UCK2: variants seen among roughly 807,000 people sequenced by gnomAD.
UCK2 encodes uridine-cytidine kinase 2, also known as cytidine monophosphokinase 2.
Under a neutral mutation model 30.8 loss-of-function variants are expected in UCK2, and 6 were observed. The observed-to-expected ratio is 0.19, with a 90% confidence interval of 0.11 to 0.38. UCK2 has a LOEUF of 0.38. Ranked by LOEUF, UCK2 falls within the 10% of genes least tolerant of loss-of-function variation. The pLI is 1.00. For missense variants in UCK2, 210 were observed against 339.8 expected (o/e 0.62, Z 3.00); for synonymous variants, 125 against 133.6 (o/e 0.94, Z 0.45).
At chr1:165,858,067 C>A (rs1474956625) in intron 1 of UCK2, among the ~76,000 whole-genome samples, 1 of 152,050 alleles carries the variant, frequency 6.6e-6, no homozygotes. Context: ...TCCTTTCAGA[C>A]CATTACAAAA....
At chr1:165,857,185 C>G (rs1430393026) in intron 1 of UCK2, among the ~76,000 whole-genome samples, 1 of 152,118 alleles carries the variant, frequency 6.6e-6, no homozygotes, top group Admixed American at 6.5e-5. Flanking sequence ...GAAGTGCCTT[C>G]CCCAAGCACA....
At chr1:165,855,514 T>C (rs886835455) in intron 1 of UCK2, among the ~76,000 whole-genome samples, 8 of 150,798 alleles carry the variant, frequency 5.3e-5, no homozygotes, top group African/African-American at 1.7e-4. Context: ...TCTTTTCTTT[T>C]TTTTTTTTTT....
intron 1 of UCK2, among the ~76,000 whole-genome samples, chr1:165,873,257 T>C (rs1036084152): frequency 6.6e-6 from 1 of 152,146 alleles, no homozygotes; most frequent in African/African-American, 2.4e-5. Flanking sequence ...TTAAAAGAAG[T>C]CAGTATGCAA....
Position 165,896,330 on chromosome 1 carries a change from G to A in UCK2, c.497G>A (p.Arg166Lys). 1 of 1,614,036 alleles carries A rather than the reference G, an allele frequency of 6.2e-7. No individual in the cohort carries two copies. The highest frequency in any genetic ancestry group is 8.5e-7 in the Non-Finnish European group (1 of 1,180,012). Residue 166 changes from arginine (R) to lysine (K), a missense_variant and splice_region_variant, in exon 4 of 7, where the codon AGA becomes AAA. Arg to Lys is a conservative substitution (Grantham distance 26). This residue lies in a region of UCK2 where 47 missense variants were observed against 128.7 expected (regional missense o/e 0.37). Coordinates refer to ENST00000367879, the MANE Select transcript of UCK2 (RefSeq NM_012474.5). ...GATGCGGACACCCGGCTCTCACGCAGAGGTGCGTTCTAAAAGCCTCAGGTG... is the reference window on the plus strand; with the variant it reads ...GATGCGGACACCCGGCTCTCACGCAAAGGTGCGTTCTAAAAGCCTCAGGTG... ...DTDADTRLSR[R>K]VLRDISERGR...
At chr1:165,860,809 T>C (rs1426270229) in intron 1 of UCK2, among the ~76,000 whole-genome samples, 1 of 152,192 alleles carries the variant, frequency 6.6e-6, no homozygotes, top group Non-Finnish European at 1.5e-5. Flanking sequence ...CCCTTGTTTC[T>C]ATTATAATCC....
chr1:165,873,904 CTG>C (rs1220086206), intron 1 of UCK2, among the ~76,000 whole-genome samples: 1 of 152,160 alleles, frequency 6.6e-6, no homozygotes, highest in Non-Finnish European at 1.5e-5. Context: ...AGCTATTTCT[CTG>C]TGATTTTATC....
intron 5 of UCK2, among the ~76,000 whole-genome samples, chr1:165,904,548 A>G (rs769659338): frequency 1.3e-5 from 2 of 152,252 alleles, no homozygotes; most frequent in Non-Finnish European, 2.9e-5. Flanking sequence ...TCAGTTTTCT[A>G]CGTTTAACTT....
chr1:165,858,849 G>A (rs1375386054), intron 1 of UCK2, among the ~76,000 whole-genome samples: 1 of 152,170 alleles, frequency 6.6e-6, no homozygotes, highest in Non-Finnish European at 1.5e-5. Flanking sequence ...TTCCAGCTGT[G>A]TTCAAAGCAG....
rs1384248322 is a variant in UCK2, at chr1:165,861,518, C to T, written c.100-28686C>T. Among the ~76,000 whole-genome samples, 4 of 144,518 alleles carry T rather than the reference C, an allele frequency of 2.8e-5. No homozygotes were observed. The East Asian group carries it at 8.3e-4, about 30-fold the overall frequency. 94.8% of individuals were successfully genotyped at this position (144,518 alleles called of 152,430 possible). On this transcript the variant is annotated intron_variant, in intron 1 of 6. Transcript: ENST00000367879. ...TGGCGGGCGCCTGTAGTCCCAGCTA[C>T]TTGGGAAGCTGAGGCAGGAGAATGG...
intron 1 of UCK2, among the ~76,000 whole-genome samples, chr1:165,864,286 C>T (rs1654991139): frequency 6.6e-6 from 1 of 152,192 alleles, no homozygotes; most frequent in South Asian, 2.1e-4. Context: ...GTACATGACT[C>T]CACCAGGTCC....
In UCK2 at chr1:165,911,112, T is replaced by A. The variant is rs2101892568; in HGVS notation, c.*3289T>A. The A allele has an allele frequency of 6.6e-6, 1 of 152,288 alleles. No individual in the cohort carries two copies. Among genetic ancestry groups the A allele is most frequent in the East Asian group, 1.9e-4 (1 of 5,184 alleles). The allele number at this position is 152,288 out of a possible 1,614,324, so 9.4% of individuals were successfully genotyped here. ...GGAAATATTTTCCCCTGCCCTGGAATCTCCTATGTGCCTGTTAAAGATTCC... is the reference window on the plus strand; with the variant it reads ...GGAAATATTTTCCCCTGCCCTGGAAACTCCTATGTGCCTGTTAAAGATTCC... On this transcript the variant is annotated 3_prime_UTR_variant, in exon 7 of 7. Coordinates refer to ENST00000367879, the MANE Select transcript of UCK2 (RefSeq NM_012474.5).
intron 4 of UCK2, among the ~76,000 whole-genome samples, chr1:165,898,400 T>C (rs7532050): frequency 0.048 from 7,250 of 152,290 alleles, 557 homozygotes; most frequent in African/African-American, 0.16. Flanking sequence ...TCAATAAATA[T>C]CTATGTGGCA....
At chr1:165,851,082 C>A (rs1268178131) in intron 1 of UCK2, among the ~76,000 whole-genome samples, 1 of 151,970 alleles carries the variant, frequency 6.6e-6, no homozygotes. Flanking sequence ...CTGTGAAGTC[C>A]CCTCCAGGTC....
intron 3 of UCK2, 103 bp from the exon 4 acceptor site, chr1:165,896,087 C>T: frequency 6.8e-7 from 1 of 1,478,508 alleles, no homozygotes; most frequent in Non-Finnish European, 9.2e-7. Context: ...TCTGTGGGGG[C>T]AAGGAACCCA....
intron 1 of UCK2, among the ~76,000 whole-genome samples, chr1:165,844,546 G>C (rs1412163687): frequency 6.6e-6 from 1 of 152,188 alleles, no homozygotes; most frequent in Admixed American, 6.5e-5. Flanking sequence ...GGTGATAGGA[G>C]CATCTTTTGT....
chr1:165,887,775 C>CA (rs929290148), intron 1 of UCK2, among the ~76,000 whole-genome samples: 1 of 151,630 alleles, frequency 6.6e-6, no homozygotes, highest in African/African-American at 2.4e-5. Flanking sequence ...TTGATTTCCC[C>CA]CCCCACCCAT....
At chr1:165,855,950 T>A (rs975416557) in intron 1 of UCK2, among the ~76,000 whole-genome samples, 2 of 152,172 alleles carry the variant, frequency 1.3e-5, no homozygotes, top group African/African-American at 4.8e-5. Flanking sequence ...CTGTGGTTTT[T>A]GATCATCTCT....
chr1:165,880,564 GGGGTGTGTGTGTGTGTGT>G (rs1232820079), intron 1 of UCK2, among the ~76,000 whole-genome samples: 4,289 of 100,048 alleles, frequency 0.043, 232 homozygotes, highest in African/African-American at 0.13. Flanking sequence ...GTTTTTTTTG[GGGGTGTGTGTGTGTGTGT>G]GTGTGTGTGT....
At chr1:165,874,876 G>A (rs1002090917) in intron 1 of UCK2, among the ~76,000 whole-genome samples, 1 of 152,100 alleles carries the variant, frequency 6.6e-6, no homozygotes, top group Non-Finnish European at 1.5e-5. Context: ...TTAAGGAAAT[G>A]GATGCTTTTT....
Sources: gnomAD v4.1 joint callset for allele counts (sites outside exome capture counted in the v4.1 genomes callset) on GRCh38, gnomAD v4.1.1 for gene constraint, gnomAD v4.1.1 regional missense constraint, MANE v1.5 for transcripts, NCBI Gene and HGNC (gene_info 2026-07-23, HGNC 2026-07-21) for gene names.